The following STARD9 variants were observed in gnomAD, a reference collection of about 807,000 sequenced individuals.
STARD9 encodes StAR related lipid transfer domain containing 9.
In STARD9, 346 loss-of-function variants were observed where a neutral mutation model predicts 399.8. The observed-to-expected ratio is 0.87, with a 90% CI of 0.79 to 0.95. STARD9 has a LOEUF of 0.95. Among genes scored for constraint, STARD9 ranks in the 40% least tolerant of loss-of-function variants. The pLI, the probability that STARD9 is intolerant of heterozygous loss-of-function variation, is 0.00. For synonymous variants in STARD9, 2,203 were observed against 2,143.5 expected (o/e 1.03, Z -0.77); for missense variants, 5,832 against 5,667.5 (o/e 1.03, Z -0.93).
At position 42,626,366 on chromosome 15, in the gene STARD9, TTCTTCCTCC is replaced by T. The variant is rs1339265907; in HGVS notation, c.235-8472_235-8464del. ...CCTCTTCCTCTTCTTCCTCTTCCTC[TTCTTCCTCC>T]TCTTCCTCCTCTTCCTCTTCCTCCT... On this transcript the variant is annotated intron_variant, in intron 3 of 32. Coordinates refer to ENST00000290607, the MANE Select transcript of STARD9 (RefSeq NM_020759.3). 2.1e-3 allele frequency among the ~76,000 whole-genome samples: 299 copies of T among 144,206 alleles called. 1 individual carries two copies. Among genetic ancestry groups the T allele is most frequent in the Admixed American group, 9.0e-3 (133 of 14,842 alleles). 94.6% of individuals were successfully genotyped at this position (144,206 alleles called of 152,430 possible).
At chr15:42,643,228 G>C (rs1292084851) in intron 7 of STARD9, among the ~76,000 whole-genome samples, 3 of 151,956 alleles carry the variant, frequency 2.0e-5, no homozygotes, top group African/African-American at 7.2e-5. Context: ...ACGGAGTCTT[G>C]CTTTGTCACC....
intron 18 of STARD9, 36 bp downstream of exon 18, chr15:42,675,000 A>T (rs1479696186): frequency 6.7e-7 from 1 of 1,481,748 alleles, no homozygotes; most frequent in East Asian, 2.5e-5. Context: ...TCCCAAGATG[A>T]GTGATGGACC....
chr15:42,719,638 G>T lies in STARD9; in HGVS notation c.*64G>T. 9.4e-7 allele frequency: 1 copy of T among 1,068,942 alleles called. No individual in the cohort carries two copies. Among genetic ancestry groups the T allele is most frequent in the Non-Finnish European group, 1.4e-6 (1 of 730,190 alleles). 66.2% of individuals were successfully genotyped at this position (1,068,942 alleles called of 1,614,324 possible). Reference sequence around the variant, plus strand: ...CAGGCTGCTCAAGAGAGACACTGTGGCAGCTCCTTGTTACTTTCCATACCA... The same window carrying T: ...CAGGCTGCTCAAGAGAGACACTGTGTCAGCTCCTTGTTACTTTCCATACCA... On this transcript the variant is annotated 3_prime_UTR_variant, in exon 33 of 33. Transcript: ENST00000290607.
At chr15:42,616,400 A>G (rs1225251762) in intron 3 of STARD9, among the ~76,000 whole-genome samples, 1 of 152,268 alleles carries the variant, frequency 6.6e-6, no homozygotes, top group Non-Finnish European at 1.5e-5. Flanking sequence ...AAGTGAAACA[A>G]CGGAAAGTAA....
At chr15:42,673,150 C>A (rs1229894883) in intron 16 of STARD9, 1 of 151,844 alleles carries the variant, frequency 6.6e-6, no homozygotes, top group Non-Finnish European at 1.5e-5. Flanking sequence ...GCTTATAATC[C>A]CAGCACTTTG....
At chr15:42,579,711 G>GA (rs914244443) in intron 1 of STARD9, among the ~76,000 whole-genome samples, 57 of 151,594 alleles carry the variant, frequency 3.8e-4, no homozygotes, top group African/African-American at 1.1e-3. Context: ...ATCCACAAAG[G>GA]AAAAAAAATG....
chr15:42,606,013 A>C (rs2058715947), intron 3 of STARD9, among the ~76,000 whole-genome samples: 1 of 152,194 alleles, frequency 6.6e-6, no homozygotes, highest in African/African-American at 2.4e-5. Flanking sequence ...TGGAGTTTAG[A>C]TTCAATTTCA....
chr15:42,625,124 T>A (rs1181941903), intron 3 of STARD9, among the ~76,000 whole-genome samples: 1 of 152,110 alleles, frequency 6.6e-6, no homozygotes, highest in Non-Finnish European at 1.5e-5. Flanking sequence ...CCTCCCAGGT[T>A]CAAACGATTC....
At position 42,674,919 on chromosome 15, in the gene STARD9, A is replaced by G; in HGVS notation, c.1642A>G (p.Thr548Ala). The G allele has an allele frequency of 6.5e-7, 1 of 1,537,046 alleles. No individual in the cohort carries two copies. Among genetic ancestry groups the G allele is most frequent in the Non-Finnish European group, 8.7e-7 (1 of 1,146,802 alleles). ...ACGACCTGCCCGTGGGGCCCGCTGT[A>G]CAGTCAATGGCCGGGAGGTCACTGC... ...VLRPARGARC[T>A]VNGREVTASC... The change falls in exon 18 of 33, where the codon ACA becomes GCA. Residue 548 changes from threonine to alanine, a missense_variant. This residue lies in a region of STARD9 where 5,828 missense variants were observed against 5,651.1 expected (regional missense o/e 1.03). Coordinates refer to ENST00000290607, the MANE Select transcript of STARD9 (RefSeq NM_020759.3).
At chr15:42,612,607 T>A (rs16973384) in intron 3 of STARD9, among the ~76,000 whole-genome samples, 5,783 of 152,246 alleles carry the variant, frequency 0.038, 393 homozygotes, top group African/African-American at 0.13. Flanking sequence ...TAGGATAGCC[T>A]CATAAGGAAT....
At chr15:42,600,016 T>C (rs1416865656) in intron 3 of STARD9, among the ~76,000 whole-genome samples, 2 of 152,192 alleles carry the variant, frequency 1.3e-5, no homozygotes, top group African/African-American at 4.8e-5. Context: ...TTAAAGACTC[T>C]AAGGCAGGAA....
chr15:42,671,088 G>C (rs1220133609), intron 16 of STARD9: 1 of 151,280 alleles, frequency 6.6e-6, no homozygotes, highest in Non-Finnish European at 1.5e-5. Context: ...CGTAGACATG[G>C]AGATGAATGA....
At position 42,661,364 on chromosome 15, in the gene STARD9, AG is replaced by A; in HGVS notation, c.770+140del. ...AATAAGCTCTTTGAATGCTAGGTTA[AG>A]AAGTTATTTTCTAGGGGCCGAAAAG... On this transcript the variant is annotated intron_variant, in intron 10 of 32. Transcript: ENST00000290607. 4.5e-6 allele frequency: 3 copies of A among 671,690 alleles called. No homozygotes were observed. In the South Asian group the frequency reaches 5.7e-5, roughly 13 times the overall value. 41.6% of individuals were successfully genotyped at this position (671,690 alleles called of 1,614,324 possible).
At chr15:42,666,052 T>A (rs1377027359) in intron 15 of STARD9, among the ~76,000 whole-genome samples, 5 of 152,242 alleles carry the variant, frequency 3.3e-5, no homozygotes, top group Non-Finnish European at 5.9e-5. Flanking sequence ...TGTATTGTTC[T>A]CTCAGGGATT....
chr15:42,706,560 C>T (rs1390832179), intron 26 of STARD9, among the ~76,000 whole-genome samples: 1 of 151,942 alleles, frequency 6.6e-6, no homozygotes, highest in Non-Finnish European at 1.5e-5. Context: ...AGCGATTCTC[C>T]TGCCTCAGCC....
chr15:42,665,180 A>G, intron 13 of STARD9, 73 bp from the exon 14 acceptor site: 2 of 1,226,672 alleles, frequency 1.6e-6, no homozygotes, highest in Non-Finnish European at 2.3e-6. Flanking sequence ...CTTCCCAGCC[A>G]ATTGCAACTA....
At position 42,685,673 on chromosome 15, in the gene STARD9, A is replaced by C; in HGVS notation, c.4095A>C (p.Glu1365Asp). The C allele has an allele frequency of 6.5e-7, 1 of 1,537,308 alleles. No individual in the cohort carries two copies. Among genetic ancestry groups the C allele is most frequent in the Non-Finnish European group, 8.7e-7 (1 of 1,146,944 alleles). The change falls in exon 23 of 33, where the codon GAA (glutamate) becomes GAC (aspartate). Residue 1365 changes from glutamate (E) to aspartate (D), a missense_variant. Glu to Asp is a conservative substitution (Grantham distance 45, BLOSUM62 2). Coordinates refer to ENST00000290607, the MANE Select transcript of STARD9 (RefSeq NM_020759.3). ...TATGTCCAAGTCCTGATATGCAGGA[A>C]TTTCACTCCTGTAAGGGGGAGAGGC... ...GSLCPSPDMQ[E>D]FHSCKGERPG... is the part of the protein sequence containing the mutation.
intron 1 of STARD9, chr15:42,581,026 G>C: frequency 2.1e-6 from 1 of 467,502 alleles, no homozygotes; most frequent in Non-Finnish European, 4.0e-6. Context: ...GGGACTGCTG[G>C]TATTGCCTCT....
intron 26 of STARD9, among the ~76,000 whole-genome samples, chr15:42,696,443 G>A (rs191917476): frequency 2.5e-4 from 38 of 152,318 alleles, no homozygotes; most frequent in Non-Finnish European, 3.4e-4. Flanking sequence ...TGTAAAGAGC[G>A]AGATGGGAAA....
Sources: gnomAD v4.1 joint callset for allele counts (sites outside exome capture counted in the v4.1 genomes callset) on GRCh38, gnomAD v4.1.1 for gene constraint, gnomAD v4.1.1 regional missense constraint, MANE v1.5 for transcripts, NCBI Gene and HGNC (gene_info 2026-07-23, HGNC 2026-07-21) for gene names.